ACO1: variants seen among roughly 807,000 people sequenced by gnomAD.
ACO1 encodes cytoplasmic aconitate hydratase.
In ACO1, 78 loss-of-function variants were observed where a neutral mutation model predicts 105.1. That is an observed-to-expected ratio of 0.74 (90% CI 0.62 to 0.90). ACO1 has a LOEUF of 0.90. ACO1 is among the 40% of genes least tolerant of loss of function. The pLI is 0.00. For missense variants in ACO1, 965 were observed against 1,111.1 expected (o/e 0.87, Z 1.87); for synonymous variants, 364 against 397.4 (o/e 0.92, Z 1.00).
At chr9:32,392,678 T>C (rs1185586671) in intron 1 of ACO1, among the ~76,000 whole-genome samples, 2 of 152,200 alleles carry the variant, frequency 1.3e-5, no homozygotes, top group African/African-American at 4.8e-5. Flanking sequence ...ACAGAAGCTA[T>C]TCGAGACCTA....
At position 32,430,483 on chromosome 9, in the gene ACO1, C is replaced by A; in HGVS notation, c.1635C>A (p.Asn545Lys). Residue 545 changes from asparagine to lysine, a missense_variant, in exon 14 of 21, where the codon AAC (asparagine) becomes AAA (lysine). Asn to Lys is a moderately conservative substitution (Grantham distance 94). Coordinates refer to ENST00000309951, the MANE Select transcript of ACO1 (RefSeq NM_002197.3). ...NRNFEGRVHP[N>K]TRANYLASPP... is the part of the protein sequence containing the mutation. ...ATTTTGAAGGTCGAGTTCACCCCAA[C>A]ACCCGGGCCAACTATTTAGCCTCTC... The A allele has an allele frequency of 1.2e-6, 2 of 1,612,352 alleles. No individual in the cohort carries two copies. Among genetic ancestry groups the A allele is most frequent in the Non-Finnish European group, 1.7e-6 (2 of 1,179,422 alleles).
chr9:32,432,155 G>T (rs1384265897), intron 15 of ACO1, among the ~76,000 whole-genome samples: 1 of 152,074 alleles, frequency 6.6e-6, no homozygotes, highest in Non-Finnish European at 1.5e-5. Flanking sequence ...GTCAGCTGTG[G>T]CGAGGACCCC....
intron 18 of ACO1, 85 bp from the exon 19 acceptor site, chr9:32,440,380 A>T (rs1822450303): frequency 1.3e-6 from 2 of 1,544,820 alleles, no homozygotes; most frequent in South Asian, 2.4e-5. Flanking sequence ...AAACCCATCC[A>T]GCCCCGCCCT....
At chr9:32,414,141 A>AGG (rs1430270405) in intron 4 of ACO1, among the ~76,000 whole-genome samples, 2 of 152,178 alleles carry the variant, frequency 1.3e-5, no homozygotes, top group Admixed American at 6.5e-5. Flanking sequence ...CGACAGAGTG[A>AGG]GACTCCGTCT....
chr9:32,449,869 A>C lies in ACO1; in HGVS notation c.2557-129A>C. 5.9e-6 allele frequency: 4 copies of C among 681,394 alleles called. No individual in the cohort carries two copies. The South Asian group carries it at 7.0e-5, about 12-fold the overall frequency. The allele number at this position is 681,394 out of a possible 1,614,324, so 42.2% of individuals were successfully genotyped here. ...TCTGGGCTGGGGCCAGCAGCCTTGC[A>C]TGTCCTCATGTGCTGCTGGTGTTAC... On this transcript the variant is annotated intron_variant, in intron 20 of 20. Transcript: ENST00000309951.
At chr9:32,408,010 T>C (rs1228601228) in intron 3 of ACO1, among the ~76,000 whole-genome samples, 1 of 152,240 alleles carries the variant, frequency 6.6e-6, no homozygotes, top group Non-Finnish European at 1.5e-5. Flanking sequence ...CAGTTTCATT[T>C]TTCTAGAGGA....
chr9:32,440,905 G>T (rs991888552), intron 19 of ACO1, among the ~76,000 whole-genome samples: 3 of 152,116 alleles, frequency 2.0e-5, no homozygotes, highest in East Asian at 3.9e-4. Context: ...CATGGGGAGA[G>T]GTGTCATGGC....
intron 20 of ACO1, among the ~76,000 whole-genome samples, chr9:32,449,353 G>A (rs994985050): frequency 8.6e-5 from 13 of 152,036 alleles, no homozygotes; most frequent in African/African-American, 2.4e-4. Flanking sequence ...CCGGTCTCTC[G>A]TGATGAGAGC....
In ACO1 at chr9:32,431,810, G is replaced by A. The variant is rs780129159; in HGVS notation, c.1818G>A (p.Pro606=). Reference sequence around the variant, plus strand: ...CAGTGGAGCGTCAGTATGTCATCCCGGGGATGTTTAAGGAAGTCTATCAGA... The same window carrying A: ...CAGTGGAGCGTCAGTATGTCATCCCAGGGATGTTTAAGGAAGTCTATCAGA... ...IQAVERQYVI[P]GMFKEVYQKI... The change falls in exon 15 of 21, where the codon CCG becomes CCA. Residue 606 remains proline (P), a synonymous_variant. Transcript: ENST00000309951. 1.1e-5 allele frequency: 18 copies of A among 1,613,960 alleles called. No individual in the cohort carries two copies. The highest frequency in any genetic ancestry group is 2.2e-5 in the East Asian group (1 of 44,886).
intron 7 of ACO1, among the ~76,000 whole-genome samples, chr9:32,420,378 A>G (rs1821946537): frequency 6.6e-6 from 1 of 152,238 alleles, no homozygotes; most frequent in African/African-American, 2.4e-5. Context: ...GAGAAAGAGA[A>G]TGTTTCTCAT....
intron 2 of ACO1, among the ~76,000 whole-genome samples, chr9:32,406,628 CA>C (rs772172408): frequency 1.1e-4 from 16 of 152,156 alleles, no homozygotes; most frequent in Admixed American, 2.0e-4. Context: ...GTCTCGAAAA[CA>C]AACAAAACAC....
chr9:32,441,465 AG>A (rs1347947227), intron 19 of ACO1, among the ~76,000 whole-genome samples: 1 of 152,234 alleles, frequency 6.6e-6, no homozygotes, highest in Non-Finnish European at 1.5e-5. Flanking sequence ...TCTGGCAGGC[AG>A]TTCTCCAGAC....
rs1822733515 is a variant in ACO1 at position 32,450,272 on chromosome 9, C to G, written c.*161C>G. Reference sequence around the variant, plus strand: ...GGTGCCAATCCTGTAGGCACAAAACCAGAAGTTTCTACATTCTCTATTTTT... The same window carrying G: ...GGTGCCAATCCTGTAGGCACAAAACGAGAAGTTTCTACATTCTCTATTTTT... On this transcript the variant is annotated 3_prime_UTR_variant, in exon 21 of 21. Coordinates refer to ENST00000309951, the MANE Select transcript of ACO1 (RefSeq NM_002197.3). 1 of 728,628 alleles carries G rather than the reference C, an allele frequency of 1.4e-6. No individual in the cohort carries two copies. Among genetic ancestry groups the G allele is most frequent in the South Asian group, 1.5e-5 (1 of 68,050 alleles). The allele number at this position is 728,628 out of a possible 1,614,324, so 45.1% of individuals were successfully genotyped here. A position where few individuals can be genotyped will look rare whatever the true frequency, so the allele number is the denominator to read the frequency against.
At chr9:32,438,049 C>A (rs1406847972) in intron 18 of ACO1, among the ~76,000 whole-genome samples, 1 of 152,132 alleles carries the variant, frequency 6.6e-6, no homozygotes, top group African/African-American at 2.4e-5. Flanking sequence ...GAAGGCCCAT[C>A]TAAATAATTT....
intron 3 of ACO1, 132 bp downstream of exon 3, chr9:32,407,561 C>G: frequency 3.6e-6 from 3 of 827,138 alleles, no homozygotes; most frequent in Non-Finnish European, 5.2e-6. Context: ...ATATTATATA[C>G]CCATATCCAG....
chr9:32,411,237 G>A lies in ACO1; in HGVS notation c.404+2586G>A, dbSNP rs139827432. Among the ~76,000 whole-genome samples the A allele has an allele frequency of 4.9e-3, 745 of 152,294 alleles. 6 individuals are homozygous for A. The highest frequency in any genetic ancestry group is 0.017 in the African/African-American group (701 of 41,556). On this transcript the variant is annotated intron_variant, in intron 4 of 20. Coordinates refer to ENST00000309951, the MANE Select transcript of ACO1 (RefSeq NM_002197.3). ...GGAGGGCAATCAGGTATTTTTAAGA[G>A]GCTATTATCTTAACCTAGAAGTATG...
At chr9:32,443,452 G>A (rs1822526473) in intron 19 of ACO1, among the ~76,000 whole-genome samples, 1 of 152,130 alleles carries the variant, frequency 6.6e-6, no homozygotes, top group Non-Finnish European at 1.5e-5. Context: ...ATATAACAGA[G>A]GTAAAAGGTT....
rs779658926 is a variant in ACO1 at position 32,454,386 on chromosome 9, C to G, written c.*4275C>G. 1.3e-5 allele frequency: 2 copies of G among 151,996 alleles called. No individual in the cohort carries two copies. Among genetic ancestry groups the G allele is most frequent in the Non-Finnish European group, 2.9e-5 (2 of 68,012 alleles). The allele number at this position is 151,996 out of a possible 1,614,324, so 9.4% of individuals were successfully genotyped here. A position where few individuals can be genotyped will look rare whatever the true frequency, so the allele number is the denominator to read the frequency against. On this transcript the variant is annotated 3_prime_UTR_variant, in exon 21 of 21. Coordinates refer to ENST00000309951, the MANE Select transcript of ACO1 (RefSeq NM_002197.3). ...TAAGGACAGGAATTGGTTTACTGAC[C>G]TTGATGTTGGGATGACTCTTCATTT...
At position 32,433,831 on chromosome 9, in the gene ACO1, T is replaced by C. The variant is rs1440917660; in HGVS notation, c.1955T>C (p.Leu652Pro). ...AAATCACCACCATTCTTTGAAAACC[T>C]GGTATGGCTTTTTATTTTTTAACAA... ...YIKSPPFFEN[L>P]TLDLQPPKSI... The change falls in exon 16 of 21, where the codon CTG (leucine) becomes CCG (proline). Residue 652 changes from leucine to proline, a missense_variant and splice_region_variant. Coordinates refer to ENST00000309951, the MANE Select transcript of ACO1 (RefSeq NM_002197.3). 1.3e-6 allele frequency: 2 copies of C among 1,586,868 alleles called. No homozygotes were observed. The highest frequency in any genetic ancestry group is 1.7e-6 in the Non-Finnish European group (2 of 1,168,080).
Sources: gnomAD v4.1 joint callset for allele counts (sites outside exome capture counted in the v4.1 genomes callset) on GRCh38, gnomAD v4.1.1 for gene constraint, MANE v1.5 for transcripts, NCBI Gene and HGNC (gene_info 2026-07-23, HGNC 2026-07-21) for gene names.